Variants in COL24A1 observed in about 807,000 individuals in gnomAD.
COL24A1 encodes collagen type XXIV alpha 1 chain.
COL24A1 carries 224 observed loss-of-function variants against 253.9 expected under a neutral mutation model. That is an observed-to-expected ratio of 0.88 (90% CI 0.79 to 0.99). The LOEUF (loss-of-function observed/expected upper bound fraction) is 0.99. Ranked by LOEUF, COL24A1 falls within the 50% of genes least tolerant of loss-of-function variation. COL24A1 has a pLI of 0.00. For synonymous variants in COL24A1, 685 were observed against 673.7 expected (o/e 1.02, Z -0.26); for missense variants, 2,131 against 2,068.5 (o/e 1.03, Z -0.59).
intron 58 of COL24A1, among the ~76,000 whole-genome samples, chr1:85,735,442 A>AT (rs1259477080): frequency 4.0e-5 from 6 of 151,826 alleles, no homozygotes; most frequent in Admixed American, 6.6e-5. Context: ...TGCCTTCGAG[A>AT]TTTTTTTTGT....
chr1:86,103,481 G>A (rs2102062930), intron 5 of COL24A1, among the ~76,000 whole-genome samples: 1 of 152,270 alleles, frequency 6.6e-6, no homozygotes, highest in Non-Finnish European at 1.5e-5. Flanking sequence ...TCACTGGTCT[G>A]TGTACATAAG....
Position 85,838,591 on chromosome 1 carries a change from T to G in COL24A1, c.3675A>C (p.Gly1225=), listed in dbSNP as rs770848091. 3 of 1,613,608 alleles carry G rather than the reference T, an allele frequency of 1.9e-6. No individual in the cohort carries two copies. The highest frequency in any genetic ancestry group is 2.7e-5 in the African/African-American group (2 of 75,046). ...QGERGEPGAE[G]YKGHVGVPGL... is the part of the protein sequence containing the mutation. The stretch of plus-strand genomic sequence containing the variant: ...GGGTATAACTTGCAATTACCTTATA[T>G]CCCTCTGCTCCAGGCTCTCCTCTCT... Residue 1225 remains glycine, a synonymous_variant, in exon 43 of 60, where the codon GGA becomes GGC. Coordinates refer to ENST00000370571, the MANE Select transcript of COL24A1 (RefSeq NM_152890.7).
chr1:85,829,164 A>C (rs995766377), intron 43 of COL24A1, among the ~76,000 whole-genome samples: 3 of 148,512 alleles, frequency 2.0e-5, no homozygotes, highest in African/African-American at 7.4e-5. Context: ...AAAGTATTTT[A>C]TTTCTCCTTC....
chr1:85,776,101 T>G (rs988994835), intron 52 of COL24A1, among the ~76,000 whole-genome samples: 1 of 152,122 alleles, frequency 6.6e-6, no homozygotes, highest in Non-Finnish European at 1.5e-5. Context: ...TCTGGGATGG[T>G]TTCCCTTCTC....
intron 21 of COL24A1, among the ~76,000 whole-genome samples, chr1:85,971,101 T>TG (rs1435586878): frequency 1.3e-5 from 2 of 151,900 alleles, no homozygotes; most frequent in Admixed American, 1.3e-4. Context: ...CCCAGCTACT[T>TG]GGGAGGGTGA....
intron 47 of COL24A1, among the ~76,000 whole-genome samples, chr1:85,811,230 G>A (rs172694): frequency 0.39 from 58,545 of 151,562 alleles, 12,540 homozygotes; most frequent in East Asian, 0.57. Flanking sequence ...ATCACTGATA[G>A]ACATTTGGGT....
chr1:85,796,112 G>C (rs1200290443), intron 47 of COL24A1, among the ~76,000 whole-genome samples: 1 of 152,138 alleles, frequency 6.6e-6, no homozygotes, highest in African/African-American at 2.4e-5. Context: ...ATATACTAAA[G>C]TTAGGAGGTA....
At chr1:85,848,873 AT>A (rs1410249809) in intron 38 of COL24A1, among the ~76,000 whole-genome samples, 2 of 152,210 alleles carry the variant, frequency 1.3e-5, no homozygotes, top group African/African-American at 4.8e-5. Flanking sequence ...TTAGTAAAAT[AT>A]TTTTAGTAAA....
At chr1:86,142,319 C>G (rs555834415) in intron 2 of COL24A1, among the ~76,000 whole-genome samples, 1 of 151,824 alleles carries the variant, frequency 6.6e-6, no homozygotes, top group East Asian at 1.9e-4. Flanking sequence ...ATCAGGAGAT[C>G]GAGACCATCC....
At chr1:85,970,413 T>G in intron 21 of COL24A1, 142 bp from the exon 22 acceptor site, 1 of 844,450 alleles carries the variant, frequency 1.2e-6, no homozygotes, top group South Asian at 2.4e-5. Flanking sequence ...TCTTGTACTT[T>G]GAACTCCATC....
rs552109107 is a variant in COL24A1 at position 85,873,128 on chromosome 1, C to T, written c.3138+1521G>A. Among the ~76,000 whole-genome samples the T allele has an allele frequency of 6.6e-5, 10 of 152,274 alleles. No homozygotes were observed. In the East Asian group the frequency reaches 1.9e-3, roughly 29 times the overall value. On this transcript the variant is annotated intron_variant, in intron 35 of 59. Coordinates refer to ENST00000370571, the MANE Select transcript of COL24A1 (RefSeq NM_152890.7). ...ATCAGAGAAATGCAAATCAAAACCA[C>T]AATGAGATACCATCTCACACCAGTT... is the stretch of plus-strand genomic sequence containing the variant.
chr1:86,144,947 ACTTCAAGCT>A (rs1284185863), intron 2 of COL24A1, among the ~76,000 whole-genome samples: 1 of 152,168 alleles, frequency 6.6e-6, no homozygotes, highest in Non-Finnish European at 1.5e-5. Context: ...CTTCATGGCT[ACTTCAAGCT>A]AAATGAAGTA....
intron 47 of COL24A1, among the ~76,000 whole-genome samples, chr1:85,811,664 C>T (rs955489635): frequency 1.3e-5 from 2 of 152,080 alleles, no homozygotes; most frequent in East Asian, 1.9e-4. Flanking sequence ...ACATGTGTGA[C>T]GTGATATCTC....
chr1:86,120,552 C>G (rs988871401), intron 3 of COL24A1, among the ~76,000 whole-genome samples: 1 of 152,240 alleles, frequency 6.6e-6, no homozygotes, highest in Admixed American at 6.5e-5. Context: ...TGCTCATCAT[C>G]ACTGGTCATC....
intron 19 of COL24A1, among the ~76,000 whole-genome samples, chr1:86,001,914 G>T (rs1695452130): frequency 6.6e-6 from 1 of 152,024 alleles, no homozygotes; most frequent in African/African-American, 2.4e-5. Flanking sequence ...CTGATGTCTG[G>T]GAAAAAAGAC....
chr1:85,765,296 GTATAT>G (rs1667241551), intron 53 of COL24A1, among the ~76,000 whole-genome samples: 1 of 151,768 alleles, frequency 6.6e-6, no homozygotes, highest in African/African-American at 2.4e-5. Flanking sequence ...TCATTAAATA[GTATAT>G]TATAAATATG....
chr1:85,949,347 A>G (rs1326461614), intron 24 of COL24A1, among the ~76,000 whole-genome samples: 2 of 152,220 alleles, frequency 1.3e-5, no homozygotes, highest in East Asian at 3.8e-4. Flanking sequence ...AAATTACAAA[A>G]GACTACATTT....
intron 35 of COL24A1, among the ~76,000 whole-genome samples, chr1:85,873,767 CATGTATACAT>C (rs1260318366): frequency 6.6e-6 from 1 of 151,356 alleles, no homozygotes; most frequent in Non-Finnish European, 1.5e-5. Flanking sequence ...CAACATGGCA[CATGTATACAT>C]ATGTAACAAA....
intron 37 of COL24A1, among the ~76,000 whole-genome samples, chr1:85,856,878 C>T (rs1468111297): frequency 6.6e-6 from 1 of 152,040 alleles, no homozygotes; most frequent in Non-Finnish European, 1.5e-5. Flanking sequence ...GAGTCTGGAG[C>T]ACCTAGCACA....
Sources: allele counts gnomAD v4.1 joint callset (sites outside exome capture counted in the v4.1 genomes callset), GRCh38; gene constraint gnomAD v4.1.1; transcripts MANE v1.5; gene names NCBI Gene and HGNC (gene_info 2026-07-23, HGNC 2026-07-21).